The following HPD variants were observed in gnomAD, a reference collection of about 807,000 sequenced individuals.
HPD encodes 4-hydroxyphenylpyruvic acid oxidase.
Under a neutral mutation model 56.9 loss-of-function variants are expected in HPD, and 35 were observed. The ratio of observed to expected loss-of-function variants is 0.62; its 90% CI spans 0.47 to 0.82. The LOEUF (loss-of-function observed/expected upper bound fraction) is 0.82, where lower values mean the gene tolerates loss of function less well. Ranked by LOEUF, HPD falls within the 40% of genes least tolerant of loss-of-function variation. The pLI is 0.00. For synonymous variants in HPD, 186 were observed against 200.2 expected (o/e 0.93, Z 0.60); for missense variants, 442 against 506.8 (o/e 0.87, Z 1.23).
intron 12 of HPD, among the ~76,000 whole-genome samples, chr12:121,843,088 C>G (rs942461320): frequency 6.6e-6 from 1 of 152,076 alleles, no homozygotes; most frequent in African/African-American, 2.4e-5. Context: ...TAGCAAATAG[C>G]TAGAAATCAT....
intron 11 of HPD, among the ~76,000 whole-genome samples, chr12:121,845,449 AC>A (rs1232676569): frequency 2.7e-5 from 4 of 149,064 alleles, no homozygotes; most frequent in African/African-American, 5.1e-5. Context: ...ACAAAAAAAA[AC>A]ATTAGCTGGG....
chr12:121,852,737 C>T (rs994623253), intron 7 of HPD, among the ~76,000 whole-genome samples: 16 of 146,100 alleles, frequency 1.1e-4, no homozygotes, highest in African/African-American at 2.3e-4. Flanking sequence ...TGGGTTCAAG[C>T]GATTCTCCCA....
intron 7 of HPD, among the ~76,000 whole-genome samples, chr12:121,851,141 C>T (rs1877758653): frequency 6.6e-6 from 1 of 151,596 alleles, no homozygotes; most frequent in African/African-American, 2.4e-5. Flanking sequence ...GGATTACAAG[C>T]ATGAGCCACC....
chr12:121,871,857 C>CCG, the HPD span, among the ~76,000 whole-genome samples: 4 of 151,932 alleles, frequency 2.6e-5, no homozygotes, highest in African/African-American at 7.2e-5. Context: ...CTGGTGTGGA[C>CCG]CGTAGGATGT....
At chr12:121,887,309 C>G in the HPD span, among the ~76,000 whole-genome samples, 1 of 151,822 alleles carries the variant, frequency 6.6e-6, no homozygotes, top group Non-Finnish European at 1.5e-5. Flanking sequence ...GCCTTGATCT[C>G]CCAGCATAAT....
rs535173872 is a variant in HPD at position 121,849,306 on chromosome 12, A to G, written c.519-230T>C. On this transcript the variant is annotated intron_variant, in intron 8 of 13. Coordinates refer to ENST00000289004, the MANE Select transcript of HPD (RefSeq NM_002150.3). ...CAGACTCCCAAAGTGCTGGGATTAT[A>G]GGTATGAGCCACTGCGCCTGGACTC... is the stretch of plus-strand genomic sequence containing the variant. Among the ~76,000 whole-genome samples the G allele has an allele frequency of 3.3e-5, 5 of 152,138 alleles. No homozygotes were observed. In the South Asian group the frequency reaches 6.2e-4, roughly 19 times the overall value.
intron 7 of HPD, among the ~76,000 whole-genome samples, chr12:121,853,504 C>G (rs1219255334): frequency 6.6e-6 from 1 of 151,822 alleles, no homozygotes; most frequent in African/African-American, 2.4e-5. Flanking sequence ...CGCCTGTAGT[C>G]CCAGCTACTC....
At chr12:121,844,960 T>C (rs955554449) in intron 11 of HPD, among the ~76,000 whole-genome samples, 1 of 151,748 alleles carries the variant, frequency 6.6e-6, no homozygotes, top group Non-Finnish European at 1.5e-5. Context: ...GTCATGCACC[T>C]GTAATCCCAG....
In HPD at chr12:121,851,498, C is replaced by T. The variant is rs867188598; in HGVS notation, c.415-1708G>A. 5.9e-4 allele frequency among the ~76,000 whole-genome samples: 89 copies of T among 150,038 alleles called. 1 individual carries two copies. Among genetic ancestry groups the T allele is most frequent in the African/African-American group, 2.1e-3 (84 of 40,842 alleles). ...AGTAGCTGGGATTACAGGCGCCTGT[C>T]ATGCCCAGCTAATTTTTGTATATTT... On this transcript the variant is annotated intron_variant, in intron 7 of 13. Transcript: ENST00000289004.
chr12:121,857,605 G>A lies in HPD; in HGVS notation c.93+152C>T, dbSNP rs936828132. ...CATTTTGCTGACAGATAACTTTCCCGCTGGTGTAATTAGGATTCAGAGTAT... is the reference window on the plus strand; with the variant it reads ...CATTTTGCTGACAGATAACTTTCCCACTGGTGTAATTAGGATTCAGAGTAT... On this transcript the variant is annotated intron_variant, in intron 3 of 13. Coordinates refer to ENST00000289004, the MANE Select transcript of HPD (RefSeq NM_002150.3). The A allele has an allele frequency of 1.6e-4, 132 of 833,356 alleles. No homozygotes were observed. The African/African-American group carries it at 2.0e-3, about 12-fold the overall frequency. 51.6% of individuals were successfully genotyped at this position (833,356 alleles called of 1,614,324 possible).
At chr12:121,875,419 CT>C in the HPD span, among the ~76,000 whole-genome samples, 1 of 145,686 alleles carries the variant, frequency 6.9e-6, no homozygotes, top group African/African-American at 2.6e-5. Context: ...CCCCCTTTTT[CT>C]TTCTTTCTTT....
chr12:121,849,953 A>C, intron 7 of HPD, 163 bp from the exon 8 acceptor site: 1 of 662,718 alleles, frequency 1.5e-6, no homozygotes. Context: ...AATGAATTGC[A>C]ATCTGTCACT....
intron 7 of HPD, among the ~76,000 whole-genome samples, chr12:121,851,877 T>A (rs1378951733): frequency 3.1e-5 from 1 of 32,380 alleles, no homozygotes; most frequent in African/African-American, 1.2e-4. Flanking sequence ...GCCCGGCTAC[T>A]TTTTTGTATT....
chr12:121,855,496 T>C (rs1566573577), intron 6 of HPD, among the ~76,000 whole-genome samples: 1 of 152,116 alleles, frequency 6.6e-6, no homozygotes, highest in Non-Finnish European at 1.5e-5. Flanking sequence ...GGTGGGTGGA[T>C]CACTTGAGGT....
intron 7 of HPD, among the ~76,000 whole-genome samples, chr12:121,850,957 G>A (rs1467407317): frequency 2.7e-5 from 4 of 150,530 alleles, no homozygotes; most frequent in Non-Finnish European, 3.0e-5. Context: ...TCTGCCTCCC[G>A]GGTTCAAGCG....
At chr12:121,862,019 GA>G (rs1027367372), upstream of HPD, among the ~76,000 whole-genome samples, 3 of 151,170 alleles carry the variant, frequency 2.0e-5, no homozygotes, top group East Asian at 3.9e-4. Context: ...TAAAAAAAGA[GA>G]AAAAAAAATG....
At chr12:121,868,702 T>C in the HPD span, among the ~76,000 whole-genome samples, 1 of 151,696 alleles carries the variant, frequency 6.6e-6, no homozygotes, top group African/African-American at 2.4e-5. Context: ...TATATTTTTA[T>C]TAGACATAGA....
upstream of HPD, among the ~76,000 whole-genome samples, chr12:121,868,522 T>A (rs1450424519): frequency 3.3e-4 from 1 of 3,002 alleles, no homozygotes; most frequent in Non-Finnish European, 8.1e-4. Context: ...TCTTTTTTCT[T>A]TTTTTTTTTT....
intron 7 of HPD, among the ~76,000 whole-genome samples, chr12:121,853,669 C>T (rs1223429763): frequency 6.7e-6 from 1 of 150,038 alleles, no homozygotes; most frequent in African/African-American, 2.5e-5. Flanking sequence ...AACAGCCTGG[C>T]ACGGTGGCTC....
Sources: gnomAD v4.1 joint callset for allele counts (sites outside exome capture counted in the v4.1 genomes callset) on GRCh38, gnomAD v4.1.1 for gene constraint, MANE v1.5 for transcripts, NCBI Gene and HGNC (gene_info 2026-07-23, HGNC 2026-07-21) for gene names.